The following GSE1 variants were observed in gnomAD, a reference collection of about 807,000 sequenced individuals.
GSE1 encodes the protein genetic suppressor element 1.
A neutral mutation model predicts 112.6 loss-of-function variants in GSE1; 32 were observed. The observed-to-expected ratio is 0.28, with a 90% CI of 0.21 to 0.38. GSE1 has a LOEUF of 0.38. GSE1 is among the 10% of genes least tolerant of loss of function. The pLI, the probability that GSE1 is intolerant of heterozygous loss-of-function variation, is 1.00. For missense variants in GSE1, 2,348 were observed against 1,699.2 expected (o/e 1.38, Z -6.71); for synonymous variants, 1,115 against 735.6 (o/e 1.52, Z -8.35).
intron 1 of GSE1, among the ~76,000 whole-genome samples, chr16:85,216,838 C>T (rs557792884): frequency 9.2e-5 from 14 of 152,376 alleles, no homozygotes; most frequent in African/African-American, 3.4e-4. Context: ...AAACCCACTC[C>T]TGTCTCTTGC....
chr16:85,479,637 A>G (rs1034379175), intron 2 of GSE1, among the ~76,000 whole-genome samples: 6 of 152,142 alleles, frequency 3.9e-5, no homozygotes, highest in Non-Finnish European at 7.3e-5. Flanking sequence ...TATGTTTTCA[A>G]TTCGCTGAGT....
At chr16:85,667,239 C>G (rs2151993988) in intron 13 of GSE1, among the ~76,000 whole-genome samples, 1 of 152,386 alleles carries the variant, frequency 6.6e-6, no homozygotes, top group Middle Eastern at 3.4e-3. Context: ...CTGCCTTATT[C>G]TGACCTTGTC....
chr16:85,188,549 C>T (rs972116121), intron 1 of GSE1, among the ~76,000 whole-genome samples: 3 of 152,060 alleles, frequency 2.0e-5, no homozygotes, highest in Middle Eastern at 3.4e-3. Flanking sequence ...CACAGTGGCT[C>T]CCAGCACTTT....
At chr16:85,554,170 G>T (rs1298986717), upstream of GSE1, among the ~76,000 whole-genome samples, 1 of 152,098 alleles carries the variant, frequency 6.6e-6, no homozygotes, top group East Asian at 1.9e-4. Flanking sequence ...AGAGGGTGGG[G>T]GGACGTGGGT....
At chr16:85,463,635 C>T (rs1477158959) in intron 2 of GSE1, among the ~76,000 whole-genome samples, 1 of 152,182 alleles carries the variant, frequency 6.6e-6, no homozygotes, top group East Asian at 1.9e-4. Flanking sequence ...GAACTCTCAA[C>T]CTACCCCTCC....
chr16:85,361,222 C>T (rs528684987), intron 2 of GSE1, among the ~76,000 whole-genome samples: 1 of 132,180 alleles, frequency 7.6e-6, no homozygotes, highest in Non-Finnish European at 1.6e-5. Context: ...CAGACGCACA[C>T]GGGGCAGAGA....
At chr16:85,402,265 C>G (rs928007666) in intron 2 of GSE1, among the ~76,000 whole-genome samples, 1 of 152,128 alleles carries the variant, frequency 6.6e-6, no homozygotes, top group African/African-American at 2.4e-5. Context: ...ACCGGGCCAC[C>G]GTGTTTTCCA....
At chr16:85,597,841 C>T (rs1268235428) in intron 1 of GSE1, among the ~76,000 whole-genome samples, 2 of 152,196 alleles carry the variant, frequency 1.3e-5, no homozygotes, top group Non-Finnish European at 2.9e-5. Context: ...TTTTTGCATT[C>T]GCTCTGTAGG....
chr16:85,554,263 C>G (rs1045010383), upstream of GSE1, among the ~76,000 whole-genome samples: 4 of 152,004 alleles, frequency 2.6e-5, no homozygotes, highest in African/African-American at 4.8e-5. Context: ...TTTTCCCCTT[C>G]GATTTGGGGA....
chr16:85,532,000 G>A (rs1170177907), intron 2 of GSE1, among the ~76,000 whole-genome samples: 1 of 152,194 alleles, frequency 6.6e-6, no homozygotes, highest in Non-Finnish European at 1.5e-5. Flanking sequence ...GGACCCGGGT[G>A]TCTAGGGAGA....
At position 85,331,395 on chromosome 16, in the gene GSE1, G is replaced by GTATATATATATGTATATATATGTA. The variant is rs1597407855; in HGVS notation, c.2284-26061_2284-26060insATATGTATATATATGTATATATAT. ...TATGTATATATATGTATATATATGT[G>GTATATATATATGTATATATATGTA]TATATATGTATATATATGCGTATAT... On this transcript the variant is annotated intron_variant, in intron 1 of 2. Transcript: ENST00000637419. Among the ~76,000 whole-genome samples the GTATATATATATGTATATATATGTA allele has an allele frequency of 3.2e-5, 2 of 62,170 alleles. 1 individual carries two copies. Among genetic ancestry groups the GTATATATATATGTATATATATGTA allele is most frequent in the Non-Finnish European group, 7.5e-5 (2 of 26,554 alleles). 40.8% of individuals were successfully genotyped at this position (62,170 alleles called of 152,430 possible).
At position 85,661,458 on chromosome 16, in the gene GSE1, A is replaced by G. The variant is rs1460240716; in HGVS notation, c.1953A>G (p.Pro651=). 22 of 1,610,616 alleles carry G rather than the reference A, an allele frequency of 1.4e-5. 1 individual carries two copies. The highest frequency in any genetic ancestry group is 1.1e-4 in the African/African-American group (8 of 74,736). The stretch of plus-strand genomic sequence containing the variant: ...CTGCCCCTCTGGACAAGTACCAGCC[A>G]CCTCCGCCGCCACCACGAGAGGGAG... ...REPAPLDKYQ[P]PPPPPREGGS... is the part of the protein sequence containing the mutation. Residue 651 remains proline, a synonymous_variant, in exon 9 of 16, where the codon CCA becomes CCG. Coordinates refer to ENST00000253458, the MANE Select transcript of GSE1 (RefSeq NM_014615.5).
chr16:85,605,021 G>T lies in GSE1; in HGVS notation c.38-43531G>T, dbSNP rs569234629. Reference sequence around the variant, plus strand: ...TTTAGTAGAGATGGGGTTTCACCGTGTTAGCCAGGATGGTCTCGATCTCCT... The same window carrying T: ...TTTAGTAGAGATGGGGTTTCACCGTTTTAGCCAGGATGGTCTCGATCTCCT... On this transcript the variant is annotated intron_variant, in intron 1 of 2. Transcript: ENST00000635906. Among the ~76,000 whole-genome samples the T allele has an allele frequency of 1.8e-3, 273 of 148,724 alleles. 2 individuals carry two copies. Among genetic ancestry groups the T allele is most frequent in the African/African-American group, 6.2e-3 (249 of 39,960 alleles).
chr16:85,328,896 C>A (rs1018327501), intron 1 of GSE1, among the ~76,000 whole-genome samples: 1 of 152,192 alleles, frequency 6.6e-6, no homozygotes, highest in Non-Finnish European at 1.5e-5. Flanking sequence ...CCCCTGCCAC[C>A]CCTGCCCCCG....
intron 2 of GSE1, among the ~76,000 whole-genome samples, chr16:85,426,526 G>GTGGAAGGGTGGGTGGA (rs2048995375): frequency 7.5e-6 from 1 of 133,726 alleles, no homozygotes; most frequent in African/African-American, 2.9e-5. Flanking sequence ...GGGTGGAAGG[G>GTGGAAGGGTGGGTGGA]TGGGTGGATG....
intron 1 of GSE1, among the ~76,000 whole-genome samples, chr16:85,175,621 C>T (rs944570422): frequency 1.3e-5 from 2 of 152,212 alleles, no homozygotes; most frequent in African/African-American, 4.8e-5. Flanking sequence ...AGATTGCAGC[C>T]TCTGCCTGCT....
chr16:85,246,791 CT>C (rs1413418820), intron 1 of GSE1, among the ~76,000 whole-genome samples: 4 of 152,124 alleles, frequency 2.6e-5, no homozygotes, highest in Non-Finnish European at 4.4e-5. Context: ...AGCCTCCCCC[CT>C]GGATGTCTGT....
At position 85,583,379 on chromosome 16, in the gene GSE1, C is replaced by T. The variant is rs114216097; in HGVS notation, c.37+27016C>T. 792 of 152,544 alleles carry T rather than the reference C, an allele frequency of 5.2e-3. 3 individuals carry two copies. The highest frequency in any genetic ancestry group is 0.018 in the African/African-American group (745 of 41,510). 9.4% of individuals were successfully genotyped at this position (152,544 alleles called of 1,614,324 possible). On this transcript the variant is annotated intron_variant, in intron 1 of 2. Transcript: ENST00000635906. ...TGCTTCCAGGGTCCTCCATAGCTGACGGCTTCCAGGTCTGGGCCCCAGGGT... is the reference window on the plus strand; with the variant it reads ...TGCTTCCAGGGTCCTCCATAGCTGATGGCTTCCAGGTCTGGGCCCCAGGGT...
Position 85,656,214 on chromosome 16 carries a change from G to A in GSE1, c.990-129G>A, listed in dbSNP as rs1014408440. ...AGTTCTTCCTGCACCAGTGAAACCC[G>A]GCTCACCTCCCGTCACTGTTCAGAT... On this transcript the variant is annotated intron_variant, in intron 6 of 15. Coordinates refer to ENST00000253458, the MANE Select transcript of GSE1 (RefSeq NM_014615.5). The A allele has an allele frequency of 1.3e-5, 15 of 1,194,070 alleles. 1 individual carries two copies. Among genetic ancestry groups the A allele is most frequent in the Middle Eastern group, 2.3e-4 (1 of 4,266 alleles). 74.0% of individuals were successfully genotyped at this position (1,194,070 alleles called of 1,614,324 possible). A position where few individuals can be genotyped will look rare whatever the true frequency, so the allele number is the denominator to read the frequency against.
Sources: allele counts gnomAD v4.1 joint callset (sites outside exome capture counted in the v4.1 genomes callset), GRCh38; gene constraint gnomAD v4.1.1; transcripts MANE v1.5; gene names NCBI Gene and HGNC (gene_info 2026-07-23, HGNC 2026-07-21).